The following GALNT13 variants were observed in gnomAD, a reference collection of about 807,000 sequenced individuals.
The protein encoded by GALNT13 is UDP-GalNAc:polypeptide N-acetylgalactosaminyltransferase 13.
A neutral mutation model predicts 64.2 loss-of-function variants in GALNT13; 28 were observed. The ratio of observed to expected loss-of-function variants is 0.44; its 90% CI spans 0.32 to 0.60. The LOEUF (loss-of-function observed/expected upper bound fraction) is 0.60. Ranked by LOEUF, GALNT13 falls within the 20% of genes least tolerant of loss-of-function variation. The pLI, the probability that GALNT13 is intolerant of heterozygous loss-of-function variation, is 0.05. For missense variants in GALNT13, 577 were observed against 669.8 expected (o/e 0.86, Z 1.53); for synonymous variants, 214 against 224.6 (o/e 0.95, Z 0.42).
chr2:154,250,481 A>AT (rs747412147), intron 7 of GALNT13, among the ~76,000 whole-genome samples: 11 of 151,974 alleles, frequency 7.2e-5, no homozygotes, highest in African/African-American at 2.4e-4. Flanking sequence ...TTGCACTTCA[A>AT]TTTTTTTATC....
intron 1 of GALNT13, among the ~76,000 whole-genome samples, chr2:153,888,404 G>A (rs1250161508): frequency 6.6e-6 from 1 of 151,820 alleles, no homozygotes; most frequent in Non-Finnish European, 1.5e-5. Flanking sequence ...GACATTATAG[G>A]TTATTAAATA....
At chr2:154,313,259 T>TAC (rs747260790) in intron 9 of GALNT13, among the ~76,000 whole-genome samples, 86 of 148,290 alleles carry the variant, frequency 5.8e-4, no homozygotes, top group Non-Finnish European at 9.2e-4. Context: ...TATATATATA[T>TAC]ACACACACAC....
At chr2:153,366,723 A>G in the GALNT13 span, among the ~76,000 whole-genome samples, 1 of 32,164 alleles carries the variant, frequency 3.1e-5, no homozygotes, top group African/African-American at 1.2e-4. Flanking sequence ...ACACAGGGAC[A>G]CACACACACA....
At chr2:153,367,604 C>T in the GALNT13 span, among the ~76,000 whole-genome samples, 1 of 152,090 alleles carries the variant, frequency 6.6e-6, no homozygotes, top group African/African-American at 2.4e-5. Flanking sequence ...GAAAGATTTT[C>T]TCCTCAGAGC....
At chr2:153,587,779 T>A in the GALNT13 span, among the ~76,000 whole-genome samples, 1 of 152,308 alleles carries the variant, frequency 6.6e-6, no homozygotes, top group East Asian at 1.9e-4. Context: ...AACAGTCCCC[T>A]AAAGTCTTAA....
intron 8 of GALNT13, among the ~76,000 whole-genome samples, chr2:154,265,871 A>T (rs1374512553): frequency 6.6e-6 from 1 of 152,236 alleles, no homozygotes; most frequent in African/African-American, 2.4e-5. Context: ...TTCTAAATAA[A>T]ATTAGCAAAT....
intron 3 of GALNT13, among the ~76,000 whole-genome samples, chr2:154,030,829 T>C (rs1343363053): frequency 1.3e-5 from 2 of 152,086 alleles, no homozygotes; most frequent in African/African-American, 2.4e-5. Context: ...ATTATAAGTT[T>C]CCTGAGGCCT....
chr2:153,816,614 T>C, the GALNT13 span, among the ~76,000 whole-genome samples: 6 of 140,718 alleles, frequency 4.3e-5, no homozygotes, highest in African/African-American at 1.5e-4. Context: ...GATGGATAGA[T>C]TAGATAGATA....
At chr2:153,578,967 G>A in the GALNT13 span, among the ~76,000 whole-genome samples, 629 of 152,282 alleles carry the variant, frequency 4.1e-3, 6 homozygotes, top group African/African-American at 0.014. Context: ...AGGCTTCTTG[G>A]TTGGGCTAGT....
At chr2:154,394,376 T>G (rs1005213545) in intron 9 of GALNT13, among the ~76,000 whole-genome samples, 1 of 152,136 alleles carries the variant, frequency 6.6e-6, no homozygotes, top group Non-Finnish European at 1.5e-5. Context: ...AAAGAAACCC[T>G]TCTAGGAAGA....
intron 4 of GALNT13, among the ~76,000 whole-genome samples, chr2:154,164,168 T>C (rs553980443): frequency 6.6e-6 from 1 of 151,750 alleles, no homozygotes; most frequent in East Asian, 1.9e-4. Context: ...TCCCAACATA[T>C]GAGACAGGAA....
chr2:153,134,435 G>A, the GALNT13 span, among the ~76,000 whole-genome samples: 1 of 151,708 alleles, frequency 6.6e-6, no homozygotes, highest in Non-Finnish European at 1.5e-5. Context: ...TCCTCTGAAA[G>A]GGTTAATAGA....
At chr2:153,874,895 C>T (rs1323696189) in intron 1 of GALNT13, among the ~76,000 whole-genome samples, 7 of 151,998 alleles carry the variant, frequency 4.6e-5, no homozygotes, top group Non-Finnish European at 7.4e-5. Flanking sequence ...TTTAGAGGGG[C>T]CCTGAAATGT....
At chr2:153,666,592 A>G in the GALNT13 span, among the ~76,000 whole-genome samples, 2 of 152,196 alleles carry the variant, frequency 1.3e-5, no homozygotes, top group Non-Finnish European at 2.9e-5. Flanking sequence ...AAATGAAGCT[A>G]GTCAACTAAA....
the GALNT13 span, among the ~76,000 whole-genome samples, chr2:153,297,379 C>T: frequency 3.3e-5 from 5 of 151,900 alleles, no homozygotes; most frequent in East Asian, 3.9e-4. Flanking sequence ...ATTTAAGACA[C>T]GAAAATGTGA....
At chr2:153,218,938 TCTGGCTTTTGTTG>T in the GALNT13 span, among the ~76,000 whole-genome samples, 1 of 152,250 alleles carries the variant, frequency 6.6e-6, no homozygotes, top group Non-Finnish European at 1.5e-5. Context: ...TTGAAGTTTC[TCTGGCTTTTGTTG>T]CTGTTTTAAG....
At chr2:154,114,371 C>A (rs1032386805) in intron 3 of GALNT13, among the ~76,000 whole-genome samples, 3 of 152,130 alleles carry the variant, frequency 2.0e-5, no homozygotes, top group Admixed American at 6.5e-5. Flanking sequence ...CAAGTCAGAT[C>A]TGAGCTAAAA....
At chr2:154,140,569 C>T in intron 4 of GALNT13, 64 bp downstream of exon 4, 1 of 1,139,666 alleles carries the variant, frequency 8.8e-7, no homozygotes. Flanking sequence ...AATCTCAGAA[C>T]TTGAGCTAAC....
At chr2:153,455,428 G>A in the GALNT13 span, among the ~76,000 whole-genome samples, 2 of 152,198 alleles carry the variant, frequency 1.3e-5, no homozygotes, top group Admixed American at 1.3e-4. Flanking sequence ...GAGCACATGA[G>A]CGAATGAGTG....
Sources: allele counts gnomAD v4.1 joint callset (sites outside exome capture counted in the v4.1 genomes callset), GRCh38; gene constraint gnomAD v4.1.1; transcripts MANE v1.5; gene names NCBI Gene and HGNC (gene_info 2026-07-23, HGNC 2026-07-21).